The following CFAP251 variants were observed in gnomAD, a reference collection of about 807,000 sequenced individuals.
CFAP251 encodes cilia- and flagella-associated protein 251.
In CFAP251, 93 loss-of-function variants were observed where a neutral mutation model predicts 126.7. The observed-to-expected ratio is 0.73, with a 90% CI of 0.62 to 0.87. The LOEUF is 0.87. Among genes scored for constraint, CFAP251 ranks in the 40% least tolerant of loss-of-function variants. The probability of loss-of-function intolerance (pLI) is 0.00; values close to 1 mark genes in which losing one functional copy is unlikely to be tolerated. For missense variants in CFAP251, 1,287 were observed against 1,389.2 expected (o/e 0.93, Z 1.17); for synonymous variants, 503 against 506.9 (o/e 0.99, Z 0.10).
At chr12:121,988,660 A>C (rs1034374137) in intron 19 of CFAP251, among the ~76,000 whole-genome samples, 1 of 149,274 alleles carries the variant, frequency 6.7e-6, no homozygotes. Context: ...ACGTTTTCCC[A>C]TTTTCTTGGC....
At position 122,003,832 on chromosome 12, in the gene CFAP251, A is replaced by G. The variant is rs951304442; in HGVS notation, c.*68A>G. 1.9e-5 allele frequency: 23 copies of G among 1,208,030 alleles called. 1 individual carries two copies. The highest frequency in any genetic ancestry group is 2.7e-5 in the Admixed American group (1 of 36,854). 74.8% of individuals were successfully genotyped at this position (1,208,030 alleles called of 1,614,324 possible). A position where few individuals can be genotyped will look rare whatever the true frequency, so the allele number is the denominator to read the frequency against. On this transcript the variant is annotated 3_prime_UTR_variant, in exon 22 of 22. Coordinates refer to ENST00000288912, the MANE Select transcript of CFAP251 (RefSeq NM_144668.6). ...GTGCATGCACATGTGTGTGTTTTCC[A>G]TGAGGCACTGCTTTTTATGCATTTC... is the stretch of plus-strand genomic sequence containing the variant.
intron 19 of CFAP251, among the ~76,000 whole-genome samples, chr12:121,988,782 C>G (rs1375488046): frequency 6.9e-6 from 1 of 145,850 alleles, no homozygotes; most frequent in Non-Finnish European, 1.5e-5. Flanking sequence ...CTCCCTCTGG[C>G]TGGAGTGCAA....
chr12:121,935,299 A>G (rs1880848410), intron 5 of CFAP251, among the ~76,000 whole-genome samples: 1 of 152,136 alleles, frequency 6.6e-6, no homozygotes, highest in African/African-American at 2.4e-5. Flanking sequence ...TTATTTTTAG[A>G]ACAGTTTTAG....
At chr12:121,967,338 G>A (rs1882177101) in intron 16 of CFAP251, among the ~76,000 whole-genome samples, 1 of 152,164 alleles carries the variant, frequency 6.6e-6, no homozygotes, top group Admixed American at 6.5e-5. Context: ...TATTTACATG[G>A]AAAAACTCTT....
Position 121,966,989 on chromosome 12 carries a change from A to G in CFAP251, c.2527A>G (p.Ile843Val), listed in dbSNP as rs764328468. ...TLLGPAYGSPIEQTQVLPVRS... is the reference protein window; with the variant it reads ...TLLGPAYGSPVEQTQVLPVRS... ...TCTGGGGCCAGCTTATGGTTCCCCT[A>G]TTGAGCAGACACAAGTCCTCCCAGT... is the stretch of plus-strand genomic sequence containing the variant. The change falls in exon 16 of 22, where the codon ATT becomes GTT. Residue 843 changes from isoleucine (I) to valine (V), a missense_variant. By Grantham distance (29) the Ile-to-Val change is conservative. Transcript: ENST00000288912. 2.5e-6 allele frequency: 4 copies of G among 1,614,216 alleles called. No homozygotes were observed. Among genetic ancestry groups the G allele is most frequent in the Non-Finnish European group, 3.4e-6 (4 of 1,180,030 alleles).
intron 19 of CFAP251, among the ~76,000 whole-genome samples, chr12:121,988,843 C>G (rs1882811358): frequency 6.7e-6 from 1 of 150,248 alleles, no homozygotes; most frequent in South Asian, 2.1e-4. Context: ...TCAAGTGATT[C>G]TCCCACCTCA....
chr12:121,958,514 A>G lies in CFAP251; in HGVS notation c.1973A>G (p.Asn658Ser), dbSNP rs780763140. ...CTTGGAGTCCAGAGTCTGACCTACA[A>G]CCCCGAAGGTATTTTCATCTTATCA... Reference protein sequence around the residue: ...KGLGVQSLTYNPEGALLGAGF... With the variant: ...KGLGVQSLTYSPEGALLGAGF... Residue 658 changes from asparagine (N) to serine (S), a missense_variant, in exon 12 of 22, where the codon AAC becomes AGC. Physicochemically the swap from Asn to Ser is conservative, Grantham distance 46. Transcript: ENST00000288912. The G allele has an allele frequency of 1.2e-6, 2 of 1,614,008 alleles. No homozygotes were observed. Among genetic ancestry groups the G allele is most frequent in the African/African-American group, 2.7e-5 (2 of 74,910 alleles).
intron 3 of CFAP251, among the ~76,000 whole-genome samples, chr12:121,929,694 T>TC (rs952111983): frequency 1.3e-5 from 2 of 151,984 alleles, no homozygotes; most frequent in African/African-American, 4.8e-5. Flanking sequence ...TTTTTTTTTT[T>TC]TGAGACAGGG....
intron 3 of CFAP251, 99 bp downstream of exon 3, chr12:121,924,089 G>T: frequency 7.3e-7 from 1 of 1,376,848 alleles, no homozygotes; most frequent in Non-Finnish European, 9.8e-7. Context: ...CCACCAGAAG[G>T]ATACTTTTTA....
intron 3 of CFAP251, among the ~76,000 whole-genome samples, chr12:121,928,341 A>G (rs1330363884): frequency 6.6e-6 from 1 of 152,062 alleles, no homozygotes; most frequent in East Asian, 1.9e-4. Flanking sequence ...CCACACAATA[A>G]GAGATCTAAA....
Position 121,975,663 on chromosome 12 carries a change from G to A in CFAP251, c.2984G>A (p.Gly995Asp), listed in dbSNP as rs767400474. The A allele has an allele frequency of 8.2e-6, 13 of 1,587,060 alleles. No homozygotes were observed. The highest frequency in any genetic ancestry group is 1.1e-5 in the Non-Finnish European group (13 of 1,170,892). Reference sequence around the variant, plus strand: ...CTTCCTTTTGTCATGAGAGCAATTGGCTTTTACCCATCTGAAGAGAAGGTA... The same window carrying A: ...CTTCCTTTTGTCATGAGAGCAATTGACTTTTACCCATCTGAAGAGAAGGTA... ...SELPFVMRAI[G>D]FYPSEEKIDD... The change falls in exon 19 of 22, where the codon GGC (glycine) becomes GAC (aspartate). Residue 995 changes from glycine to aspartate, a missense_variant. Physicochemically the swap from Gly to Asp is moderately conservative, Grantham distance 94. Coordinates refer to ENST00000288912, the MANE Select transcript of CFAP251 (RefSeq NM_144668.6).
At chr12:121,951,950 C>T (rs897913817) in intron 9 of CFAP251, among the ~76,000 whole-genome samples, 1 of 151,934 alleles carries the variant, frequency 6.6e-6, no homozygotes, top group African/African-American at 2.4e-5. Context: ...TCTTGATCTC[C>T]TGACCTTATG....
intron 15 of CFAP251, among the ~76,000 whole-genome samples, chr12:121,962,523 T>C (rs1055359589): frequency 6.6e-6 from 1 of 152,182 alleles, no homozygotes; most frequent in Admixed American, 6.6e-5. Context: ...CTTTAATTGC[T>C]AGCCCTCCTT....
At chr12:121,925,908 G>C (rs1048074223) in intron 3 of CFAP251, among the ~76,000 whole-genome samples, 8 of 152,136 alleles carry the variant, frequency 5.3e-5, no homozygotes, top group African/African-American at 1.9e-4. Flanking sequence ...GCAGTGGCGT[G>C]ATCTTGGATC....
In CFAP251 at chr12:121,966,980, G is replaced by T. The variant is rs762973178; in HGVS notation, c.2518G>T (p.Gly840Cys). 6.2e-6 allele frequency: 10 copies of T among 1,614,078 alleles called. No individual in the cohort carries two copies. In the South Asian group the frequency reaches 6.6e-5, roughly 11 times the overall value. Reference sequence around the variant, plus strand: ...AAAGACGCTTCTGGGGCCAGCTTATGGTTCCCCTATTGAGCAGACACAAGT... The same window carrying T: ...AAAGACGCTTCTGGGGCCAGCTTATTGTTCCCCTATTGAGCAGACACAAGT... ...CRKTLLGPAY[G>C]SPIEQTQVLP... Residue 840 changes from glycine to cysteine, a missense_variant, in exon 16 of 22, where the codon GGT becomes TGT. Transcript: ENST00000288912.
intron 19 of CFAP251, among the ~76,000 whole-genome samples, chr12:121,978,814 C>CA: frequency 6.6e-6 from 1 of 152,288 alleles, no homozygotes; most frequent in South Asian, 2.1e-4. Context: ...TAGCTGGTGT[C>CA]AGAGACACAG....
At chr12:121,945,798 T>G (rs1881303069) in intron 7 of CFAP251, among the ~76,000 whole-genome samples, 1 of 151,996 alleles carries the variant, frequency 6.6e-6, no homozygotes, top group Non-Finnish European at 1.5e-5. Context: ...CCTGAGTAGC[T>G]GGGACTACAG....
At chr12:121,994,978 T>A (rs80082544) in intron 19 of CFAP251, among the ~76,000 whole-genome samples, 6,752 of 146,882 alleles carry the variant, frequency 0.046, 173 homozygotes, top group Middle Eastern at 0.072. Flanking sequence ...AAAAAAAAAA[T>A]AATAATCACA....
In CFAP251 at chr12:121,972,353, G is replaced by A. The variant is rs552648886; in HGVS notation, c.2772-2891G>A. Among the ~76,000 whole-genome samples the A allele has an allele frequency of 5.2e-5, 8 of 152,392 alleles. No homozygotes were observed. In the East Asian group the frequency reaches 1.2e-3, roughly 22 times the overall value. On this transcript the variant is annotated intron_variant, in intron 17 of 21. Coordinates refer to ENST00000288912, the MANE Select transcript of CFAP251 (RefSeq NM_144668.6). The stretch of plus-strand genomic sequence containing the variant: ...GGCTGAGGTGGTCTCAGATGGAGAT[G>A]AGGAACTTGTTGGGAACTGGAGCAA...
Sources: gnomAD v4.1 joint callset for allele counts (sites outside exome capture counted in the v4.1 genomes callset) on GRCh38, gnomAD v4.1.1 for gene constraint, MANE v1.5 for transcripts, NCBI Gene and HGNC (gene_info 2026-07-23, HGNC 2026-07-21) for gene names.